MAGI2: variants seen among roughly 807,000 people sequenced by gnomAD.
MAGI2 encodes membrane-associated guanylate kinase, WW and PDZ domain-containing protein 2.
A neutral mutation model predicts 133.3 loss-of-function variants in MAGI2; 35 were observed. The observed-to-expected ratio is 0.26, with a 90% confidence interval of 0.20 to 0.35. The LOEUF (loss-of-function observed/expected upper bound fraction) is 0.35. Among genes scored for constraint, MAGI2 ranks in the 10% least tolerant of loss-of-function variants. MAGI2 has a pLI of 1.00. For synonymous variants in MAGI2, 729 were observed against 710.6 expected, an observed-to-expected ratio of 1.03 and a Z score of -0.41; for missense variants, 1,636 against 1,863.4, an observed-to-expected ratio of 0.88 and a Z score of 2.25.
chr7:79,003,628 G>A (rs1807123680), intron 2 of MAGI2, among the ~76,000 whole-genome samples: 1 of 152,102 alleles, frequency 6.6e-6, no homozygotes, highest in Non-Finnish European at 1.5e-5. Context: ...CAGATATGCT[G>A]GATACTTATT....
intron 1 of MAGI2, among the ~76,000 whole-genome samples, chr7:79,186,300 G>A (rs1308748364): frequency 1.4e-5 from 2 of 145,428 alleles, no homozygotes; most frequent in African/African-American, 5.1e-5. Context: ...AAAGTTTAAT[G>A]AGCGACCATG....
At chr7:78,976,970 C>T (rs544792849) in intron 2 of MAGI2, among the ~76,000 whole-genome samples, 269 of 151,728 alleles carry the variant, frequency 1.8e-3, no homozygotes, top group Non-Finnish European at 2.8e-3. Flanking sequence ...GTAACATATT[C>T]TGTGTTCATA....
chr7:78,825,108 C>T (rs1447917758), intron 2 of MAGI2, among the ~76,000 whole-genome samples: 1 of 152,082 alleles, frequency 6.6e-6, no homozygotes, highest in Non-Finnish European at 1.5e-5. Flanking sequence ...GGACAAACAC[C>T]TAATGCATGC....
At chr7:79,416,730 T>C (rs1397619671) in intron 1 of MAGI2, among the ~76,000 whole-genome samples, 14 of 134,844 alleles carry the variant, frequency 1.0e-4, no homozygotes, top group East Asian at 6.5e-4. Context: ...TTTTTCTTTT[T>C]CTTTTTTTTT....
Position 79,342,763 on chromosome 7 carries a change from A to G in MAGI2, c.301+110257T>C, listed in dbSNP as rs55934896. On this transcript the variant is annotated intron_variant, in intron 1 of 21. Transcript: ENST00000354212. ...ATTTTATTTATTTATTTGTTTGTTT[A>G]TTTATTTATTTTTGAGACAGAGTTT... is the stretch of plus-strand genomic sequence containing the variant. 1.8e-3 allele frequency among the ~76,000 whole-genome samples: 219 copies of G among 121,196 alleles called. 1 individual carries two copies. The highest frequency in any genetic ancestry group is 7.2e-3 in the African/African-American group (204 of 28,330). 79.5% of individuals were successfully genotyped at this position (121,196 alleles called of 152,430 possible). A position where few individuals can be genotyped will look rare whatever the true frequency, so the allele number is the denominator to read the frequency against.
At chr7:78,461,874 G>C (rs1790061239) in intron 6 of MAGI2, among the ~76,000 whole-genome samples, 1 of 120,404 alleles carries the variant, frequency 8.3e-6, no homozygotes, top group Non-Finnish European at 1.6e-5. Context: ...TCACACCATT[G>C]CACTCTAGCC....
intron 9 of MAGI2, among the ~76,000 whole-genome samples, chr7:78,297,189 GA>G (rs901522983): frequency 6.6e-6 from 1 of 152,168 alleles, no homozygotes; most frequent in African/African-American, 2.4e-5. Flanking sequence ...GGAGGACAAA[GA>G]GCAACTTTAT....
intron 2 of MAGI2, among the ~76,000 whole-genome samples, chr7:78,641,202 G>C (rs1005832032): frequency 6.6e-6 from 1 of 152,068 alleles, no homozygotes; most frequent in Non-Finnish European, 1.5e-5. Context: ...ATACAGTCTT[G>C]GGTATGTTCT....
At chr7:79,039,858 T>C (rs1811477511) in intron 1 of MAGI2, among the ~76,000 whole-genome samples, 1 of 143,184 alleles carries the variant, frequency 7.0e-6, no homozygotes, top group Non-Finnish European at 1.5e-5. Flanking sequence ...ATATATATTA[T>C]ATATATATAA....
intron 1 of MAGI2, chr7:79,176,873 C>T (rs552227486): frequency 1.7e-5 from 1 of 59,032 alleles, no homozygotes; most frequent in South Asian, 3.2e-4. Context: ...TTGATTGCAG[C>T]TAAATAGTTG....
At chr7:79,403,856 T>G (rs1845629036) in intron 1 of MAGI2, among the ~76,000 whole-genome samples, 1 of 152,142 alleles carries the variant, frequency 6.6e-6, no homozygotes, top group African/African-American at 2.4e-5. Context: ...CAAAAGCAGC[T>G]GCAATGACAT....
chr7:78,393,376 A>C (rs561550408), intron 6 of MAGI2, among the ~76,000 whole-genome samples: 1 of 152,170 alleles, frequency 6.6e-6, no homozygotes, highest in Admixed American at 6.5e-5. Context: ...TGCCACAGTT[A>C]GTTTCTGTGG....
intron 2 of MAGI2, among the ~76,000 whole-genome samples, chr7:78,669,813 A>G (rs1027504795): frequency 7.2e-5 from 11 of 152,216 alleles, no homozygotes; most frequent in African/African-American, 2.7e-4. Flanking sequence ...AGAACCAAAG[A>G]CAAAAACCAC....
chr7:78,494,286 A>C (rs73374273), intron 5 of MAGI2, among the ~76,000 whole-genome samples: 5,477 of 152,088 alleles, frequency 0.036, 256 homozygotes, highest in African/African-American at 0.11. Context: ...AATTTTCTTC[A>C]CTCAAATCTG....
chr7:78,019,310 G>C lies in MAGI2; in HGVS notation c.*5C>G, dbSNP rs745962623. ...GGGCGGGCGGGTTGGCCGTGGCCGC[G>C]CGGCTCATCTGCTGGCGGCCGAGGC... On this transcript the variant is annotated 3_prime_UTR_variant, in exon 22 of 22. Transcript: ENST00000354212. 2.6e-6 allele frequency: 4 copies of C among 1,566,874 alleles called. No individual in the cohort carries two copies. In the Admixed American group the frequency reaches 5.4e-5, roughly 21 times the overall value.
intron 2 of MAGI2, among the ~76,000 whole-genome samples, chr7:78,831,342 C>A (rs759863157): frequency 6.6e-6 from 1 of 152,074 alleles, no homozygotes; most frequent in Non-Finnish European, 1.5e-5. Flanking sequence ...AGATTTTCTT[C>A]TTTGAGTAAG....
intron 2 of MAGI2, among the ~76,000 whole-genome samples, chr7:78,821,244 C>A (rs1375063221): frequency 3.3e-5 from 5 of 152,030 alleles, no homozygotes; most frequent in Non-Finnish European, 7.4e-5. Context: ...AATCATTTAA[C>A]AAATATTCAT....
intron 2 of MAGI2, among the ~76,000 whole-genome samples, chr7:78,781,210 T>C (rs246458): frequency 0.9 from 136,502 of 151,846 alleles, 61,436 homozygotes; most frequent in East Asian, 1. Context: ...AACCCCGTCT[T>C]TACTAAAAAA....
intron 2 of MAGI2, among the ~76,000 whole-genome samples, chr7:79,000,821 A>G (rs909189497): frequency 1.3e-5 from 2 of 152,250 alleles, no homozygotes; most frequent in African/African-American, 4.8e-5. Flanking sequence ...TAGAAACACT[A>G]TTGTGAGTTA....
Sources: gnomAD v4.1 joint callset for allele counts (sites outside exome capture counted in the v4.1 genomes callset) on GRCh38, gnomAD v4.1.1 for gene constraint, MANE v1.5 for transcripts, NCBI Gene and HGNC (gene_info 2026-07-23, HGNC 2026-07-21) for gene names.